The following RP1 variants were observed in gnomAD, a reference collection of about 807,000 sequenced individuals.
The protein encoded by RP1 is RP1 axonemal microtubule associated, also known as oxygen-regulated protein 1.
RP1 carries 16 observed loss-of-function variants against 14.8 expected under a neutral mutation model. The observed-to-expected ratio is 1.08, with a 90% CI of 0.73 to 1.65. The LOEUF (loss-of-function observed/expected upper bound fraction) is 1.65, where lower values mean the gene tolerates loss of function less well. Ranked by LOEUF, RP1 falls within the 40% of genes most tolerant of loss-of-function variation. The pLI, the probability that RP1 is intolerant of heterozygous loss-of-function variation, is 0.00. For synonymous variants in RP1, 876 were observed against 883.6 expected (o/e 0.99, Z 0.15); for missense variants, 2,631 against 2,535.0 (o/e 1.04, Z -0.81).
At chr8:54,603,423 C>G (rs1254835745) in intron 1 of RP1, among the ~76,000 whole-genome samples, 13 of 152,124 alleles carry the variant, frequency 8.5e-5, no homozygotes, top group Admixed American at 8.5e-4. Context: ...CAGTACCATG[C>G]TGTTTTGGTT....
At chr8:54,613,041 C>A (rs1171840183), upstream of RP1, among the ~76,000 whole-genome samples, 1 of 152,110 alleles carries the variant, frequency 6.6e-6, no homozygotes, top group Non-Finnish European at 1.5e-5. Context: ...CCCATGAAGG[C>A]AAGGATTTTT....
chr8:54,618,100 T>C (rs117477226), intron 1 of RP1, among the ~76,000 whole-genome samples: 2,658 of 152,284 alleles, frequency 0.017, 39 homozygotes, highest in Non-Finnish European at 0.028. Flanking sequence ...ATTTTTGTTT[T>C]GTTTTCACTA....
intron 23 of RP1, among the ~76,000 whole-genome samples, chr8:54,780,710 C>T (rs894563250): frequency 6.6e-6 from 1 of 152,066 alleles, no homozygotes; most frequent in Non-Finnish European, 1.5e-5. Context: ...TTAAAGTATA[C>T]AAAAGGATGT....
At position 54,679,374 on chromosome 8, in the gene RP1, GTAAATA is replaced by G. The variant is rs1563345414; in HGVS notation, c.1479-41_1479-36del. On this transcript the variant is annotated intron_variant, in intron 9 of 22. Transcript: ENST00000636932. ...GGGAAGATAATTGCCAATGGTTAATGTAAATATAAAGTCTGAAAATAATCGATACAC... is the reference window on the plus strand; with the variant it reads ...GGGAAGATAATTGCCAATGGTTAATGTAAAGTCTGAAAATAATCGATACAC... The G allele has an allele frequency of 7.4e-6, 11 of 1,476,998 alleles. No individual in the cohort carries two copies. The South Asian group carries it at 1.1e-4, about 15-fold the overall frequency. The allele number at this position is 1,476,998 out of a possible 1,614,324, so 91.5% of individuals were successfully genotyped here.
intron 3 of RP1, among the ~76,000 whole-genome samples, chr8:54,638,780 CT>C (rs948411144): frequency 2.4e-4 from 37 of 152,128 alleles, no homozygotes; most frequent in African/African-American, 8.7e-4. Flanking sequence ...TTTCTCTGAT[CT>C]TTCCCCTCCG....
At chr8:54,578,417 A>G (rs1804708792) in intron 1 of RP1, among the ~76,000 whole-genome samples, 1 of 151,956 alleles carries the variant, frequency 6.6e-6, no homozygotes. Flanking sequence ...TATGTTGCCT[A>G]AGCTGGTCTT....
At position 54,624,818 on chromosome 8, in the gene RP1, A is replaced by C; in HGVS notation, c.936A>C (p.Ile312=). 6.2e-7 allele frequency: 1 copy of C among 1,613,942 alleles called. No homozygotes were observed. Among genetic ancestry groups the C allele is most frequent in the Non-Finnish European group, 8.5e-7 (1 of 1,179,936 alleles). Residue 312 remains isoleucine, a synonymous_variant, in exon 4 of 4, where the codon ATA becomes ATC. Coordinates refer to ENST00000220676, the MANE Select transcript of RP1 (RefSeq NM_006269.2). ...LEKNDSQNLP[I]YPSEDDIEKS... ...AGAATGATTCTCAGAATTTACCAAT[A>C]TATCCTTCTGAAGATGATATTGAGA...
chr8:54,573,761 G>A (rs1013699250), intron 1 of RP1, among the ~76,000 whole-genome samples: 1 of 152,134 alleles, frequency 6.6e-6, no homozygotes, highest in Admixed American at 6.5e-5. Flanking sequence ...CACTAGATGG[G>A]TGTTGAATAT....
intron 12 of RP1, among the ~76,000 whole-genome samples, chr8:54,698,160 T>C (rs1290522883): frequency 6.6e-6 from 1 of 152,004 alleles, no homozygotes; most frequent in Non-Finnish European, 1.5e-5. Context: ...AGGGCTAATA[T>C]CCAGAATCTA....
chr8:54,741,578 C>T (rs1023458122), intron 19 of RP1, among the ~76,000 whole-genome samples: 1 of 151,150 alleles, frequency 6.6e-6, no homozygotes, highest in African/African-American at 2.4e-5. Flanking sequence ...GATGTTTACA[C>T]AATAATGAAA....
chr8:54,652,210 G>A (rs1432306015), intron 4 of RP1, among the ~76,000 whole-genome samples: 1 of 152,084 alleles, frequency 6.6e-6, no homozygotes, highest in Non-Finnish European at 1.5e-5. Flanking sequence ...GTTTCACTGT[G>A]TTGGCCAGGC....
At chr8:54,633,725 C>CTATA (rs1806293097), downstream of RP1, among the ~76,000 whole-genome samples, 1 of 134,920 alleles carries the variant, frequency 7.4e-6, no homozygotes, top group Non-Finnish European at 1.5e-5. Context: ...CTCTCTCTCT[C>CTATA]TCTCTCTCTC....
At chr8:54,801,548 G>A (rs1451485221) in intron 24 of RP1, among the ~76,000 whole-genome samples, 1 of 151,824 alleles carries the variant, frequency 6.6e-6, no homozygotes, top group Non-Finnish European at 1.5e-5. Flanking sequence ...CCACAGGGGA[G>A]ATAGAGGAGA....
chr8:54,631,350 T>C (rs896039011), downstream of RP1, among the ~76,000 whole-genome samples: 1 of 152,168 alleles, frequency 6.6e-6, no homozygotes, highest in Non-Finnish European at 1.5e-5. Flanking sequence ...TGTAAGTTTC[T>C]GTAGTAAGCA....
At chr8:54,658,591 A>C (rs529899847) in intron 6 of RP1, among the ~76,000 whole-genome samples, 2 of 151,160 alleles carry the variant, frequency 1.3e-5, no homozygotes, top group African/African-American at 2.4e-5. Flanking sequence ...TTACTCTATC[A>C]TATGTATATA....
At chr8:54,862,952 G>A (rs1812378024) in intron 27 of RP1, among the ~76,000 whole-genome samples, 2 of 150,490 alleles carry the variant, frequency 1.3e-5, no homozygotes, top group Non-Finnish European at 2.9e-5. Flanking sequence ...TAATTTTAAA[G>A]TAGTTTAAGA....
intron 1 of RP1, among the ~76,000 whole-genome samples, chr8:54,563,848 C>T (rs919927166): frequency 6.6e-6 from 1 of 152,150 alleles, no homozygotes; most frequent in African/African-American, 2.4e-5. Context: ...CACGCCCGGC[C>T]TACTATTTGT....
intron 16 of RP1, among the ~76,000 whole-genome samples, chr8:54,721,813 G>T (rs1418220137): frequency 6.6e-6 from 1 of 152,166 alleles, no homozygotes; most frequent in African/African-American, 2.4e-5. Context: ...CTGAGGAAGG[G>T]TTTGAAAGCA....
chr8:54,857,724 G>C (rs558647399), intron 27 of RP1, among the ~76,000 whole-genome samples: 24 of 152,118 alleles, frequency 1.6e-4, no homozygotes, highest in African/African-American at 5.3e-4. Context: ...CTGTCCCTGT[G>C]TTTCCCTGGG....
Sources: allele counts gnomAD v4.1 joint callset (sites outside exome capture counted in the v4.1 genomes callset), GRCh38; gene constraint gnomAD v4.1.1; transcripts MANE v1.5; gene names NCBI Gene and HGNC (gene_info 2026-07-23, HGNC 2026-07-21).